The following NELL2 variants were observed in gnomAD, a reference collection of about 807,000 sequenced individuals.
NELL2 encodes the protein protein kinase C-binding protein NELL2.
A neutral mutation model predicts 109.6 loss-of-function variants in NELL2; 41 were observed. That is an observed-to-expected ratio of 0.37 (90% CI 0.29 to 0.49). The LOEUF (loss-of-function observed/expected upper bound fraction) is 0.49. Among genes scored for constraint, NELL2 ranks in the 20% least tolerant of loss-of-function variants. NELL2 has a pLI of 0.98. For missense variants in NELL2, 900 were observed against 1,008.3 expected (o/e 0.89, Z 1.45); for synonymous variants, 355 against 344.7 (o/e 1.03, Z -0.33).
chr12:44,907,879 T>G (rs1053572013), intron 1 of NELL2, among the ~76,000 whole-genome samples: 1 of 152,094 alleles, frequency 6.6e-6, no homozygotes, highest in Non-Finnish European at 1.5e-5. Flanking sequence ...ATGTTGGCAT[T>G]AATTGCAAAT....
intron 9 of NELL2, among the ~76,000 whole-genome samples, chr12:44,754,298 T>A (rs1055886842): frequency 6.6e-6 from 1 of 152,194 alleles, no homozygotes; most frequent in Non-Finnish European, 1.5e-5. Flanking sequence ...TGATGTATAG[T>A]CTCTGGACCA....
chr12:44,654,531 T>C (rs1017538116), intron 13 of NELL2, among the ~76,000 whole-genome samples: 5 of 152,168 alleles, frequency 3.3e-5, no homozygotes, highest in Admixed American at 6.5e-5. Context: ...TTCTAACCAA[T>C]AGTTTACAGC....
At chr12:44,534,147 A>C (rs1288276982) in intron 15 of NELL2, among the ~76,000 whole-genome samples, 1 of 152,074 alleles carries the variant, frequency 6.6e-6, no homozygotes, top group East Asian at 1.9e-4. Context: ...ATTTTCTTAT[A>C]AAATGTCCTC....
intron 9 of NELL2, among the ~76,000 whole-genome samples, chr12:44,762,485 A>G (rs1237225251): frequency 6.6e-6 from 1 of 152,202 alleles, no homozygotes; most frequent in Admixed American, 6.5e-5. Flanking sequence ...TCTTCCCTGT[A>G]TAACTTCAAA....
intron 12 of NELL2, among the ~76,000 whole-genome samples, chr12:44,694,796 T>G (rs1279835189): frequency 6.6e-6 from 1 of 152,126 alleles, no homozygotes; most frequent in African/African-American, 2.4e-5. Context: ...GTGCTGGGTT[T>G]GCAATCAGAG....
chr12:44,795,740 G>T (rs772499768), intron 3 of NELL2, among the ~76,000 whole-genome samples: 31 of 152,190 alleles, frequency 2.0e-4, no homozygotes, highest in Non-Finnish European at 3.5e-4. Context: ...TATAAAGAGT[G>T]AACTACAGTG....
intron 13 of NELL2, among the ~76,000 whole-genome samples, chr12:44,657,341 G>C (rs376965460): frequency 6.6e-6 from 1 of 151,996 alleles, no homozygotes; most frequent in Non-Finnish European, 1.5e-5. Flanking sequence ...GTGTGTGTGC[G>C]GATGTGCATG....
chr12:44,597,438 T>C (rs1458669261), intron 15 of NELL2, among the ~76,000 whole-genome samples: 2 of 152,178 alleles, frequency 1.3e-5, no homozygotes, highest in African/African-American at 2.4e-5. Context: ...ATAAGTAACG[T>C]AGAATTTAAG....
At chr12:44,639,171 C>T (rs1249236521) in intron 13 of NELL2, among the ~76,000 whole-genome samples, 1 of 152,094 alleles carries the variant, frequency 6.6e-6, no homozygotes, top group Non-Finnish European at 1.5e-5. Flanking sequence ...GTCTAGACAG[C>T]TTATTCTTGG....
At chr12:44,627,083 C>A (rs1946294535) in intron 13 of NELL2, among the ~76,000 whole-genome samples, 1 of 152,070 alleles carries the variant, frequency 6.6e-6, no homozygotes, top group Non-Finnish European at 1.5e-5. Flanking sequence ...TGGTCTGTAA[C>A]AGGGTAAATG....
chr12:44,781,038 A>T (rs10785530), intron 3 of NELL2, among the ~76,000 whole-genome samples: 36,083 of 151,924 alleles, frequency 0.24, 4,529 homozygotes, highest in South Asian at 0.3. Context: ...AATCTCCAAC[A>T]GATTGTAAAA....
chr12:44,589,535 C>T (rs1434783051), intron 15 of NELL2, among the ~76,000 whole-genome samples: 1 of 152,060 alleles, frequency 6.6e-6, no homozygotes, highest in Non-Finnish European at 1.5e-5. Flanking sequence ...AGGCACGTAC[C>T]ACCTCCAGCT....
chr12:44,921,619 G>A lies in NELL2; in HGVS notation c.-32+171C>T, dbSNP rs752916178. ...GAACAGTACAAGCAATAAGTATTAC[G>A]TAAGGGTCATTTGAGAAAACTAAAA... On this transcript the variant is annotated intron_variant, in intron 1 of 9. Transcript: ENST00000552993. Among the ~76,000 whole-genome samples, 9 of 152,240 alleles carry A rather than the reference G, an allele frequency of 5.9e-5. No homozygotes were observed. In the South Asian group the frequency reaches 1.2e-3, roughly 21 times the overall value.
At chr12:44,742,600 G>C (rs996732269) in intron 9 of NELL2, among the ~76,000 whole-genome samples, 5 of 152,210 alleles carry the variant, frequency 3.3e-5, no homozygotes, top group African/African-American at 1.2e-4. Context: ...AACCAATGCA[G>C]AGAAGTCCTT....
At chr12:44,860,853 C>G (rs1944820083) in intron 2 of NELL2, among the ~76,000 whole-genome samples, 1 of 152,138 alleles carries the variant, frequency 6.6e-6, no homozygotes, top group Non-Finnish European at 1.5e-5. Flanking sequence ...TTCTCCTGAC[C>G]CCCAAAGATT....
At position 44,780,028 on chromosome 12, in the gene NELL2, G is replaced by T. The variant is rs780857997; in HGVS notation, c.336-6C>A. 2 of 1,613,084 alleles carry T rather than the reference G, an allele frequency of 1.2e-6. No homozygotes were observed. The highest frequency in any genetic ancestry group is 4.5e-5 in the East Asian group (2 of 44,870). ...TACTTTCCAGTTCCAGGTACCTGCA[G>T]AGAGAAGAGCCACATGGGACACATT... On this transcript the variant is annotated splice_region_variant and splice_polypyrimidine_tract_variant and intron_variant, in intron 3 of 19. Coordinates refer to ENST00000429094, the MANE Select transcript of NELL2 (RefSeq NM_001145108.2).
chr12:44,825,698 T>A (rs185067085), intron 2 of NELL2, among the ~76,000 whole-genome samples: 54 of 147,568 alleles, frequency 3.7e-4, no homozygotes, highest in Non-Finnish European at 7.0e-4. Flanking sequence ...ACCCAGCCTA[T>A]TCATTTCTTT....
At chr12:44,545,976 G>A (rs750002963) in intron 15 of NELL2, among the ~76,000 whole-genome samples, 2 of 152,094 alleles carry the variant, frequency 1.3e-5, no homozygotes, top group Non-Finnish European at 2.9e-5. Context: ...AAGAATAAGA[G>A]AGTTATGGTG....
intron 2 of NELL2, among the ~76,000 whole-genome samples, chr12:44,839,851 G>C (rs1412890449): frequency 1.3e-5 from 2 of 152,174 alleles, no homozygotes; most frequent in Non-Finnish European, 2.9e-5. Context: ...GTTGGGCTTA[G>C]TTACACTGCT....
Sources: allele counts gnomAD v4.1 joint callset (sites outside exome capture counted in the v4.1 genomes callset), GRCh38; gene constraint gnomAD v4.1.1; transcripts MANE v1.5; gene names NCBI Gene and HGNC (gene_info 2026-07-23, HGNC 2026-07-21).